The following AK4 variants were observed in gnomAD, a reference collection of about 807,000 sequenced individuals.
The protein encoded by AK4 is adenylate kinase 4, mitochondrial.
Under a neutral mutation model 24.6 loss-of-function variants are expected in AK4, and 13 were observed. The ratio of observed to expected loss-of-function variants is 0.53; its 90% CI spans 0.34 to 0.84. AK4 has a LOEUF of 0.84. AK4 is among the 40% of genes least tolerant of loss of function. The pLI is 0.01. For synonymous variants in AK4, 88 were observed against 107.0 expected (o/e 0.82, Z 1.10); for missense variants, 192 against 288.2 (o/e 0.67, Z 2.42).
chr1:65,197,731 A>C (rs934199187), intron 2 of AK4, among the ~76,000 whole-genome samples: 2 of 152,242 alleles, frequency 1.3e-5, no homozygotes, highest in Non-Finnish European at 2.9e-5. Context: ...TGCTGGAGCC[A>C]GAGTATTTTG....
At chr1:65,197,245 G>T (rs1056151707) in intron 2 of AK4, among the ~76,000 whole-genome samples, 1 of 152,042 alleles carries the variant, frequency 6.6e-6, no homozygotes, top group Non-Finnish European at 1.5e-5. Context: ...CTGCTTACTT[G>T]TGCCTTGAAA....
At chr1:65,182,177 T>C (rs146441112) in intron 1 of AK4, among the ~76,000 whole-genome samples, 128 of 152,312 alleles carry the variant, frequency 8.4e-4, no homozygotes, top group Non-Finnish European at 1.2e-3. Context: ...CATCTTGACC[T>C]CTCAAAGTGT....
At chr1:65,172,063 G>GTGTGTATATATATATATA in intron 1 of AK4, among the ~76,000 whole-genome samples, 1 of 65,768 alleles carries the variant, frequency 1.5e-5, no homozygotes, top group South Asian at 8.7e-4. Context: ...TCCATCTCAA[G>GTGTGTATATATATATATA]TATATATATA....
rs935068545 is a variant in AK4 at position 65,231,834 on chromosome 1, C to A, written c.*5657C>A. 14 of 152,242 alleles carry A rather than the reference C, an allele frequency of 9.2e-5. No individual in the cohort carries two copies. Among genetic ancestry groups the A allele is most frequent in the African/African-American group, 3.4e-4 (14 of 41,546 alleles). 9.4% of individuals were successfully genotyped at this position (152,242 alleles called of 1,614,324 possible). ...GTTACAATGGCATTTCACTGTGATC[C>A]CTCTCAAGCTCAGATCAGTTCTATA... On this transcript the variant is annotated 3_prime_UTR_variant, in exon 5 of 5. Transcript: ENST00000327299.
chr1:65,172,835 G>A (rs1230490368), intron 1 of AK4, among the ~76,000 whole-genome samples: 1 of 150,556 alleles, frequency 6.6e-6, no homozygotes, highest in African/African-American at 2.5e-5. Flanking sequence ...CTACTTCTGG[G>A]CCATCTTGGC....
chr1:65,153,115 T>C (rs1368135556), intron 1 of AK4, among the ~76,000 whole-genome samples: 1 of 152,176 alleles, frequency 6.6e-6, no homozygotes. Flanking sequence ...AAAGGTCCAC[T>C]CCATATCCAC....
chr1:65,162,680 A>C (rs1008637047), intron 1 of AK4, among the ~76,000 whole-genome samples: 5 of 152,126 alleles, frequency 3.3e-5, no homozygotes, highest in Non-Finnish European at 7.4e-5. Context: ...AACTCTACAA[A>C]AAAAAAAAGT....
chr1:65,222,792 G>A (rs1289916241), intron 3 of AK4, among the ~76,000 whole-genome samples: 1 of 152,108 alleles, frequency 6.6e-6, no homozygotes, highest in Non-Finnish European at 1.5e-5. Context: ...CAAATTTATA[G>A]CCAGTTTCTG....
At position 65,232,088 on chromosome 1, in the gene AK4, A is replaced by G. The variant is rs1652664542; in HGVS notation, c.*5911A>G. ...TGATTATGTTGATTATCTTGCTTGAAGGTTCATACTTTTCAATTTGATAGA... is the reference window on the plus strand; with the variant it reads ...TGATTATGTTGATTATCTTGCTTGAGGGTTCATACTTTTCAATTTGATAGA... On this transcript the variant is annotated 3_prime_UTR_variant, in exon 5 of 5. Coordinates refer to ENST00000327299, the MANE Select transcript of AK4 (RefSeq NM_013410.4). The G allele has an allele frequency of 6.6e-6, 1 of 152,226 alleles. No homozygotes were observed. The highest frequency in any genetic ancestry group is 6.5e-5 in the Admixed American group (1 of 15,284). The allele number at this position is 152,226 out of a possible 1,614,324, so 9.4% of individuals were successfully genotyped here. A position where few individuals can be genotyped will look rare whatever the true frequency, so the allele number is the denominator to read the frequency against.
rs756758889 is a variant in AK4 at position 65,148,398 on chromosome 1, C to A, written c.-10C>A. 6.5e-7 allele frequency: 1 copy of A among 1,530,524 alleles called. No homozygotes were observed. Among genetic ancestry groups the A allele is most frequent in the East Asian group, 2.4e-5 (1 of 41,080 alleles). The allele number at this position is 1,530,524 out of a possible 1,614,324, so 94.8% of individuals were successfully genotyped here. A position where few individuals can be genotyped will look rare whatever the true frequency, so the allele number is the denominator to read the frequency against. On this transcript the variant is annotated 5_prime_UTR_variant, in exon 1 of 5. Coordinates refer to ENST00000327299, the MANE Select transcript of AK4 (RefSeq NM_013410.4). Reference sequence around the variant, plus strand: ...CTGCGCGTTTGACCGCCCCCCTCCTCGCGAAGGCAATGGCTTCCAAACTCC... The same window carrying A: ...CTGCGCGTTTGACCGCCCCCCTCCTAGCGAAGGCAATGGCTTCCAAACTCC...
chr1:65,203,028 A>G (rs1463450377), intron 2 of AK4, among the ~76,000 whole-genome samples: 1 of 151,910 alleles, frequency 6.6e-6, no homozygotes, highest in African/African-American at 2.4e-5. Flanking sequence ...GCAGGCCACT[A>G]CGCCTGGCCA....
intron 2 of AK4, among the ~76,000 whole-genome samples, chr1:65,202,063 G>A (rs1011518837): frequency 2.6e-5 from 4 of 152,182 alleles, no homozygotes; most frequent in African/African-American, 9.7e-5. Context: ...GTTTAAAAGT[G>A]TGAACAACAT....
chr1:65,193,247 C>G (rs1289886008), intron 2 of AK4, among the ~76,000 whole-genome samples: 1 of 152,212 alleles, frequency 6.6e-6, no homozygotes, highest in Non-Finnish European at 1.5e-5. Flanking sequence ...CAAGGCTTAT[C>G]CCTTTCTGAG....
At chr1:65,162,677 CA>C (rs202226743) in intron 1 of AK4, among the ~76,000 whole-genome samples, 117 of 137,882 alleles carry the variant, frequency 8.5e-4, no homozygotes, top group African/African-American at 1.9e-3. Context: ...ACCAACTCTA[CA>C]AAAAAAAAAA....
At chr1:65,170,714 A>G (rs2101007775) in intron 1 of AK4, among the ~76,000 whole-genome samples, 2 of 152,308 alleles carry the variant, frequency 1.3e-5, no homozygotes, top group Middle Eastern at 6.8e-3. Flanking sequence ...TTATGATGAT[A>G]GGATCTTCCT....
At chr1:65,181,997 C>G (rs1474131656) in intron 1 of AK4, among the ~76,000 whole-genome samples, 3 of 152,052 alleles carry the variant, frequency 2.0e-5, no homozygotes, top group Non-Finnish European at 4.4e-5. Flanking sequence ...CTTGCTGCAC[C>G]CTGGAACTCC....
At chr1:65,211,874 A>G (rs1320668521) in intron 2 of AK4, among the ~76,000 whole-genome samples, 1 of 152,242 alleles carries the variant, frequency 6.6e-6, no homozygotes, top group Admixed American at 6.5e-5. Flanking sequence ...AAAGAAAATA[A>G]AGGGTGAATA....
rs1477319090 is a variant in AK4 at position 65,230,897 on chromosome 1, T to C, written c.*4720T>C. The C allele has an allele frequency of 2.6e-5, 4 of 152,246 alleles. No individual in the cohort carries two copies. Among genetic ancestry groups the C allele is most frequent in the Non-Finnish European group, 4.4e-5 (3 of 68,054 alleles). The allele number at this position is 152,246 out of a possible 1,614,324, so 9.4% of individuals were successfully genotyped here. ...GTGTCCACCTGAGAATTCTGTTTATTACCTTTCATTTGACAGTGTCTTTCC... is the reference window on the plus strand; with the variant it reads ...GTGTCCACCTGAGAATTCTGTTTATCACCTTTCATTTGACAGTGTCTTTCC... On this transcript the variant is annotated 3_prime_UTR_variant, in exon 5 of 5. Transcript: ENST00000327299.
At chr1:65,148,662 G>A (rs1244195016) in intron 1 of AK4, 110 bp downstream of exon 1, 4 of 1,412,364 alleles carry the variant, frequency 2.8e-6, no homozygotes, top group East Asian at 2.8e-5. Flanking sequence ...CCCGCGTGTG[G>A]TCGTGCAGGC....
Sources: allele counts gnomAD v4.1 joint callset (sites outside exome capture counted in the v4.1 genomes callset), GRCh38; gene constraint gnomAD v4.1.1; transcripts MANE v1.5; gene names NCBI Gene and HGNC (gene_info 2026-07-23, HGNC 2026-07-21).